The following HEPH variants were observed in gnomAD, a reference collection of about 807,000 sequenced individuals.
The protein encoded by HEPH is hephaestin.
In HEPH, 69 loss-of-function variants were observed where a neutral mutation model predicts 80.8. The ratio of observed to expected loss-of-function variants is 0.85; its 90% CI spans 0.70 to 1.04. HEPH has a LOEUF of 1.04. Ranked by LOEUF, HEPH falls within the 50% of genes least tolerant of loss-of-function variation. The pLI is 0.00. For missense variants in HEPH, 1,115 were observed against 891.3 expected, an observed-to-expected ratio of 1.25 and a Z score of -3.20; for synonymous variants, 431 against 322.8, an observed-to-expected ratio of 1.34 and a Z score of -3.60.
chrX:66,217,022 G>T (rs978939327), intron 15 of HEPH, among the ~76,000 whole-genome samples: 6 of 110,955 alleles, frequency 5.4e-5, no homozygotes, highest in Non-Finnish European at 1.1e-4. Context: ...CCTCCAAGAA[G>T]TTTGGGATTA....
At chrX:66,197,620 G>C in intron 9 of HEPH, 63 bp from the exon 10 acceptor site, 4 of 973,706 alleles carry the variant, frequency 4.1e-6, no homozygotes, top group Non-Finnish European at 5.9e-6. Flanking sequence ...TTATTTCACT[G>C]TTTGGAGCTG....
At chrX:66,181,631 T>G (rs1416212040) in intron 4 of HEPH, among the ~76,000 whole-genome samples, 1 of 20,347 alleles carries the variant, frequency 4.9e-5, no homozygotes, top group Non-Finnish European at 9.4e-5. Flanking sequence ...TGCGAAAATT[T>G]TCTCCCATGT....
chrX:66,234,643 AT>A (rs372832153), intron 15 of HEPH, among the ~76,000 whole-genome samples: 132 of 98,596 alleles, frequency 1.3e-3, no homozygotes, highest in South Asian at 6.5e-3. Flanking sequence ...TGTGGTTTTG[AT>A]TTTTTTTTTT....
chrX:66,172,050 G>T (rs983064571), intron 2 of HEPH, among the ~76,000 whole-genome samples: 1 of 112,286 alleles, frequency 8.9e-6, no homozygotes, highest in Non-Finnish European at 1.9e-5. Flanking sequence ...TTGACGAGGA[G>T]TCGATCACTT....
intron 15 of HEPH, among the ~76,000 whole-genome samples, chrX:66,222,560 T>C (rs966691860): frequency 2.7e-5 from 3 of 112,220 alleles, no homozygotes; most frequent in Non-Finnish European, 5.6e-5. Context: ...TGTATGATTT[T>C]GGGAAATTAA....
intron 9 of HEPH, among the ~76,000 whole-genome samples, chrX:66,196,180 A>G (rs748429827): frequency 5.4e-5 from 6 of 111,605 alleles, no homozygotes; most frequent in Non-Finnish European, 5.7e-5. Context: ...CTTAGGTGGA[A>G]TAATGGCATT....
In HEPH at chrX:66,203,296, G is replaced by T. The variant is rs999802510; in HGVS notation, c.2078-68G>T. The T allele has an allele frequency of 1.0e-5, 10 of 966,423 alleles. No homozygotes were observed. In the South Asian group the frequency reaches 1.1e-4, roughly 10 times the overall value. The allele number at this position is 966,423 out of a possible 1,213,427, so 79.6% of individuals were successfully genotyped here. ...TTTTCTGCAGTATGCCTAGGGAAAG[G>T]CAGGAAATCCCCCAGGCACTACCCA... is the stretch of plus-strand genomic sequence containing the variant. On this transcript the variant is annotated intron_variant, in intron 12 of 20. Transcript: ENST00000343002.
intron 15 of HEPH, among the ~76,000 whole-genome samples, chrX:66,230,484 G>A (rs1249040858): frequency 9.2e-6 from 1 of 108,411 alleles, no homozygotes; most frequent in Non-Finnish European, 1.9e-5. Context: ...GGTGTGAGAT[G>A]GTATCTCATA....
At chrX:66,233,212 A>AT (rs1245128434) in intron 15 of HEPH, among the ~76,000 whole-genome samples, 30 of 112,062 alleles carry the variant, frequency 2.7e-4, no homozygotes, top group Non-Finnish European at 3.8e-5. Flanking sequence ...ATATATGTGT[A>AT]TGATGAACTA....
rs1302269914 is a variant in HEPH, at chrX:66,189,674, TC to T, written c.809-9del. ...TAATCCTGATATTTTCTTTGGGTTT[TC>T]TTTTGCAGCAATCAATGGCTTTGTT... On this transcript the variant is annotated splice_polypyrimidine_tract_variant and intron_variant, in intron 5 of 20. Coordinates refer to ENST00000343002, the MANE Select transcript of HEPH (RefSeq NM_001367233.3). 8.3e-7 allele frequency: 1 copy of T among 1,203,067 alleles called. No individual in the cohort carries two copies.
chrX:66,199,740 A>C (rs776472786), intron 11 of HEPH, among the ~76,000 whole-genome samples: 3 of 112,364 alleles, frequency 2.7e-5, no homozygotes, highest in African/African-American at 9.7e-5. Context: ...ATTTTCATGG[A>C]TCGAAGAGAG....
rs140980316 is a variant in HEPH at position 66,226,339 on chromosome X, G to A, written c.2563+18093G>A. 1.1e-3 allele frequency among the ~76,000 whole-genome samples: 128 copies of A among 111,840 alleles called. 1 individual carries two copies. The highest frequency in any genetic ancestry group is 4.1e-3 in the African/African-American group (126 of 30,758). On this transcript the variant is annotated intron_variant, in intron 15 of 20. Coordinates refer to ENST00000343002, the MANE Select transcript of HEPH (RefSeq NM_001367233.3). ...TTTAAACATTTAAATGCCTACATCA[G>A]GAATTCTGAAAAAGCATATATAGAC...
chrX:66,163,485 A>G (rs2086250705), upstream of HEPH, among the ~76,000 whole-genome samples: 1 of 111,361 alleles, frequency 9.0e-6, no homozygotes, highest in Non-Finnish European at 1.9e-5. Flanking sequence ...AAAATGTTAA[A>G]TATAGTTAAT....
chrX:66,202,590 A>G (rs1180525617), intron 12 of HEPH, among the ~76,000 whole-genome samples: 2 of 111,065 alleles, frequency 1.8e-5, no homozygotes, highest in East Asian at 5.6e-4. Flanking sequence ...AGGACCTTCT[A>G]AAGCTGTCTT....
chrX:66,209,668 G>A (rs1272685716), intron 15 of HEPH, among the ~76,000 whole-genome samples: 1 of 112,235 alleles, frequency 8.9e-6, no homozygotes, highest in Non-Finnish European at 1.9e-5. Context: ...ATTGGATTTT[G>A]AAGGTGAGAA....
At chrX:66,263,833 T>G (rs1418913139) in intron 20 of HEPH, 145 bp downstream of exon 20, 24 of 553,275 alleles carry the variant, frequency 4.3e-5, no homozygotes, top group Non-Finnish European at 6.0e-5. Context: ...CTGCAAGACT[T>G]CAGAAGCCAA....
chrX:66,179,123 T>A (rs1428370056), intron 4 of HEPH, among the ~76,000 whole-genome samples: 1 of 112,246 alleles, frequency 8.9e-6, no homozygotes, highest in Non-Finnish European at 1.9e-5. Flanking sequence ...AATTTTTGTA[T>A]AAGGTGTAAG....
At chrX:66,238,648 C>T (rs973528108) in intron 15 of HEPH, among the ~76,000 whole-genome samples, 1 of 111,619 alleles carries the variant, frequency 9.0e-6, no homozygotes, top group Non-Finnish European at 1.9e-5. Context: ...TTGTAGGTGA[C>T]CTGCCCTTTC....
intron 15 of HEPH, among the ~76,000 whole-genome samples, chrX:66,249,106 G>A (rs1427666632): frequency 1.8e-5 from 2 of 111,184 alleles, no homozygotes; most frequent in Admixed American, 9.6e-5. Flanking sequence ...CAGTATAGAG[G>A]ACCCACGTGA....
Sources: gnomAD v4.1 joint callset for allele counts (sites outside exome capture counted in the v4.1 genomes callset) on GRCh38, gnomAD v4.1.1 for gene constraint, MANE v1.5 for transcripts, NCBI Gene and HGNC (gene_info 2026-07-23, HGNC 2026-07-21) for gene names.